The following AVL9 variants were observed in gnomAD, a reference collection of about 807,000 sequenced individuals.
The protein encoded by AVL9 is late secretory pathway protein AVL9 homolog.
AVL9 carries 49 observed loss-of-function variants against 79.2 expected under a neutral mutation model. That is an observed-to-expected ratio of 0.62 (90% CI 0.49 to 0.79). The LOEUF (loss-of-function observed/expected upper bound fraction) is 0.79, where lower values mean the gene tolerates loss of function less well. Ranked by LOEUF, AVL9 falls within the 30% of genes least tolerant of loss-of-function variation. AVL9 has a pLI of 0.00. For synonymous variants in AVL9, 299 were observed against 280.6 expected, an observed-to-expected ratio of 1.07 and a Z score of -0.65; for missense variants, 682 against 776.8, an observed-to-expected ratio of 0.88 and a Z score of 1.45.
Position 32,587,763 on chromosome 7 carries a change from C to T in AVL9, c.*3856C>T, listed in dbSNP as rs1045671651. The T allele has an allele frequency of 2.0e-5, 3 of 152,108 alleles. No homozygotes were observed. The highest frequency in any genetic ancestry group is 2.1e-4 in the South Asian group (1 of 4,822). 9.4% of individuals were successfully genotyped at this position (152,108 alleles called of 1,614,324 possible). A position where few individuals can be genotyped will look rare whatever the true frequency, so the allele number is the denominator to read the frequency against. ...TGTCATTCCATGCAGCATAATGTGC[C>T]GTGAGGAGTTTTCTCATTCCAGTTC... On this transcript the variant is annotated 3_prime_UTR_variant, in exon 16 of 16. Transcript: ENST00000318709.
At chr7:32,573,804 T>C (rs1790966560) in intron 12 of AVL9, among the ~76,000 whole-genome samples, 1 of 152,240 alleles carries the variant, frequency 6.6e-6, no homozygotes, top group South Asian at 2.1e-4. Flanking sequence ...TACTGCCACA[T>C]GTTTTTTAAG....
At chr7:32,522,923 T>G (rs1340143681) in intron 1 of AVL9, among the ~76,000 whole-genome samples, 1 of 151,988 alleles carries the variant, frequency 6.6e-6, no homozygotes, top group Admixed American at 6.6e-5. Flanking sequence ...TTTTGCTGCT[T>G]CCTCATTTTC....
intron 1 of AVL9, among the ~76,000 whole-genome samples, chr7:32,541,907 A>T (rs1234568805): frequency 6.6e-6 from 1 of 151,864 alleles, no homozygotes; most frequent in Non-Finnish European, 1.5e-5. Context: ...TAGGGACGGG[A>T]TTTCACCATG....
intron 3 of AVL9, among the ~76,000 whole-genome samples, chr7:32,546,271 C>T (rs1016615388): frequency 1.3e-5 from 2 of 151,972 alleles, no homozygotes; most frequent in Non-Finnish European, 2.9e-5. Flanking sequence ...CCTGTGTACC[C>T]ATCACCTAGA....
intron 1 of AVL9, among the ~76,000 whole-genome samples, chr7:32,498,070 G>A (rs1786938695): frequency 1.3e-5 from 2 of 152,164 alleles, no homozygotes. Context: ...TAAAAGTGAT[G>A]CCTTTCAGCA....
intron 12 of AVL9, 54 bp from the exon 13 acceptor site, chr7:32,575,901 C>T: frequency 7.8e-7 from 1 of 1,276,938 alleles, no homozygotes; most frequent in South Asian, 1.2e-5. Context: ...ATAATCTTCA[C>T]ATCCCTGAAT....
At chr7:32,576,243 A>G (rs1049252055) in intron 13 of AVL9, among the ~76,000 whole-genome samples, 171 bp downstream of exon 13, 11 of 152,216 alleles carry the variant, frequency 7.2e-5, no homozygotes, top group Non-Finnish European at 1.6e-4. Context: ...CTGCTTCCAT[A>G]TTCAGATTGT....
At chr7:32,552,844 G>C (rs557516929) in intron 6 of AVL9, among the ~76,000 whole-genome samples, 1 of 152,112 alleles carries the variant, frequency 6.6e-6, no homozygotes, top group African/African-American at 2.4e-5. Context: ...TTGCGTTAAT[G>C]CTGACCAGCT....
intron 1 of AVL9, among the ~76,000 whole-genome samples, chr7:32,527,551 A>AT (rs1013922053): frequency 1.9e-4 from 29 of 151,406 alleles, no homozygotes; most frequent in Non-Finnish European, 2.5e-4. Flanking sequence ...ACTTAAAAAA[A>AT]AATAATTTTA....
At chr7:32,514,367 C>A (rs1787819297) in intron 1 of AVL9, among the ~76,000 whole-genome samples, 1 of 152,172 alleles carries the variant, frequency 6.6e-6, no homozygotes. Context: ...AAGCATACTG[C>A]CTGCAAACAC....
chr7:32,554,491 A>AG, intron 7 of AVL9, 67 bp from the exon 8 acceptor site: 1 of 1,022,762 alleles, frequency 9.8e-7, no homozygotes, highest in South Asian at 1.6e-5. Flanking sequence ...ATGTTTTAGG[A>AG]GGGGAAAAGA....
intron 4 of AVL9, 140 bp from the exon 5 acceptor site, chr7:32,551,194 T>C (rs567786953): frequency 1.5e-5 from 9 of 602,922 alleles, no homozygotes; most frequent in Admixed American, 3.0e-5. Context: ...CTATGAATAA[T>C]ACGCACTAAA....
rs990478676 is a variant in AVL9 at position 32,506,752 on chromosome 7, A to G, written c.93+10950A>G. Among the ~76,000 whole-genome samples, 8 of 152,004 alleles carry G rather than the reference A, an allele frequency of 5.3e-5. No individual in the cohort carries two copies. The East Asian group carries it at 7.7e-4, about 15-fold the overall frequency. ...CATAGACCCTGTCTCTATTTAAAAAAAAAAAAAGAAAGTGAAACTGCAGGT... is the reference window on the plus strand; with the variant it reads ...CATAGACCCTGTCTCTATTTAAAAAGAAAAAAAGAAAGTGAAACTGCAGGT... On this transcript the variant is annotated intron_variant, in intron 1 of 15. Transcript: ENST00000318709.
At chr7:32,546,830 AAAAAAAT>A (rs200359979) in intron 3 of AVL9, among the ~76,000 whole-genome samples, 1,547 of 152,168 alleles carry the variant, frequency 0.01, 22 homozygotes, top group African/African-American at 0.035. Context: ...CAAAAAAATA[AAAAAAAT>A]AAAAAATAAA....
At chr7:32,538,070 T>A (rs1218473176) in intron 1 of AVL9, 1 of 152,198 alleles carries the variant, frequency 6.6e-6, no homozygotes, top group Non-Finnish European at 1.5e-5. Context: ...TTTATGACAG[T>A]TTTGAGTCAA....
intron 3 of AVL9, among the ~76,000 whole-genome samples, chr7:32,548,144 C>CTCTCTTTTTTTTTTTTTTTTTT (rs1227025763): frequency 3.3e-4 from 19 of 57,588 alleles, no homozygotes; most frequent in African/African-American, 8.6e-4. Context: ...TTTGTCATCT[C>CTCTCTTTTTTTTTTTTTTTTTT]TTTTTTCTTT....
chr7:32,584,785 G>C lies in AVL9; in HGVS notation c.*878G>C, dbSNP rs1462598945. 5.3e-5 allele frequency: 3 copies of C among 56,308 alleles called. No homozygotes were observed. The highest frequency in any genetic ancestry group is 7.5e-5 in the African/African-American group (1 of 13,326). 3.5% of individuals were successfully genotyped at this position (56,308 alleles called of 1,614,324 possible). A position where few individuals can be genotyped will look rare whatever the true frequency, so the allele number is the denominator to read the frequency against. On this transcript the variant is annotated 3_prime_UTR_variant, in exon 16 of 16. Transcript: ENST00000318709. ...TTCTCTTTTTTTTTTTGGGGGGGGG[G>C]GGGGGGCGGGGTCTCACTCTATCGC...
In AVL9 at chr7:32,495,643, C is replaced by G. The variant is rs1786760050; in HGVS notation, c.-67C>G. On this transcript the variant is annotated 5_prime_UTR_variant, in exon 1 of 16. Coordinates refer to ENST00000318709, the MANE Select transcript of AVL9 (RefSeq NM_015060.3). ...CCCGAAGTCCGCGGCTTTCCGCACA[C>G]GGTGGGGTCGTCAGACCCGCTGCCC... The G allele has an allele frequency of 1.8e-6, 2 of 1,099,092 alleles. No individual in the cohort carries two copies. The highest frequency in any genetic ancestry group is 4.3e-5 in the Admixed American group (1 of 23,528). 68.1% of individuals were successfully genotyped at this position (1,099,092 alleles called of 1,614,324 possible).
Position 32,544,784 on chromosome 7 carries a change from G to C in AVL9, c.300+5G>C. On this transcript the variant is annotated splice_donor_5th_base_variant and intron_variant, in intron 3 of 15. Transcript: ENST00000318709. ...TATCGACAAATTGAAGCCAAGGTAC[G>C]ATAGTTAATAGTGAAAAACAATTCC... The C allele has an allele frequency of 1.9e-6, 3 of 1,608,748 alleles. No homozygotes were observed. The highest frequency in any genetic ancestry group is 2.6e-6 in the Non-Finnish European group (3 of 1,175,832).
Sources: allele counts gnomAD v4.1 joint callset (sites outside exome capture counted in the v4.1 genomes callset), GRCh38; gene constraint gnomAD v4.1.1; transcripts MANE v1.5; gene names NCBI Gene and HGNC (gene_info 2026-07-23, HGNC 2026-07-21).